The following SLC22A23 variants were observed in gnomAD, a reference collection of about 807,000 sequenced individuals.
SLC22A23 encodes the protein ion transporter protein.
In SLC22A23, 26 loss-of-function variants were observed where a neutral mutation model predicts 61.0. That is an observed-to-expected ratio of 0.43 (90% confidence interval 0.31 to 0.59). The LOEUF is 0.59. Ranked by LOEUF, SLC22A23 falls within the 20% of genes least tolerant of loss-of-function variation. SLC22A23 has a pLI of 0.11. For missense variants in SLC22A23, 796 were observed against 934.7 expected (o/e 0.85, Z 1.94); for synonymous variants, 430 against 413.9 (o/e 1.04, Z -0.47).
At chr6:3,316,688 C>T (rs866358453) in intron 4 of SLC22A23, among the ~76,000 whole-genome samples, 30 of 152,150 alleles carry the variant, frequency 2.0e-4, no homozygotes, top group African/African-American at 7.2e-4. Context: ...CCCAGGCTGC[C>T]GTGAAGTGGT....
intron 3 of SLC22A23, among the ~76,000 whole-genome samples, chr6:3,350,983 T>TA (rs11392398): frequency 0.73 from 109,741 of 149,614 alleles, 40,421 homozygotes; most frequent in East Asian, 0.85. Context: ...ATTTTTTTCT[T>TA]AAAAAAAAAA....
At chr6:3,407,343 T>A (rs1158498064) in intron 3 of SLC22A23, among the ~76,000 whole-genome samples, 1 of 152,236 alleles carries the variant, frequency 6.6e-6, no homozygotes, top group African/African-American at 2.4e-5. Context: ...CTCCGCTTTT[T>A]GACTCAGCTT....
chr6:3,273,298 G>A lies in SLC22A23; in HGVS notation c.1818C>T (p.Cys606=). 6.2e-7 allele frequency: 1 copy of A among 1,614,090 alleles called. No homozygotes were observed. The highest frequency in any genetic ancestry group is 8.5e-7 in the Non-Finnish European group (1 of 1,179,974). Residue 606 remains cysteine, a synonymous_variant, in exon 10 of 10, where the codon TGC becomes TGT. Coordinates refer to ENST00000406686, the MANE Select transcript of SLC22A23 (RefSeq NM_015482.2). ...TGCAGATGATGCAGATGAGCGTGCAGCAGGCAAAGATGATGTGGTGCAGGA... is the reference window on the plus strand; with the variant it reads ...TGCAGATGATGCAGATGAGCGTGCAACAGGCAAAGATGATGTGGTGCAGGA... ...GYFLHHIIFA[C]CTLICIICIL...
chr6:3,437,714 A>C (rs1771315716), intron 1 of SLC22A23, among the ~76,000 whole-genome samples: 1 of 149,716 alleles, frequency 6.7e-6, no homozygotes, highest in East Asian at 2.0e-4. Context: ...AAATAATAAT[A>C]ATTTTAAAAA....
At chr6:3,321,460 G>A (rs919187657) in intron 4 of SLC22A23, among the ~76,000 whole-genome samples, 1 of 152,128 alleles carries the variant, frequency 6.6e-6, no homozygotes, top group Non-Finnish European at 1.5e-5. Context: ...CTTTTCAAAA[G>A]CTGTATAATT....
At chr6:3,402,933 G>A (rs903811821) in intron 3 of SLC22A23, among the ~76,000 whole-genome samples, 5 of 152,182 alleles carry the variant, frequency 3.3e-5, no homozygotes, top group Admixed American at 2.0e-4. Context: ...TTGTGCTTCC[G>A]GGCAGGTCAT....
In SLC22A23 at chr6:3,427,268, T is replaced by C. The variant is rs192419895; in HGVS notation, c.655-11413A>G. On this transcript the variant is annotated intron_variant, in intron 1 of 9. Coordinates refer to ENST00000406686, the MANE Select transcript of SLC22A23 (RefSeq NM_015482.2). The surrounding 1 kb of genome is among the most constrained non-coding windows in gnomAD (Gnocchi z 4.3). ...TGCAGTAACCGGCACAAAGTGATTA[T>C]TACTCATTAATTTTGTCTGTCAGTT... Among the ~76,000 whole-genome samples, 2 of 152,268 alleles carry C rather than the reference T, an allele frequency of 1.3e-5. No homozygotes were observed. The highest frequency in any genetic ancestry group is 3.9e-4 in the East Asian group (2 of 5,176).
At chr6:3,381,862 C>G (rs1189419501) in intron 3 of SLC22A23, among the ~76,000 whole-genome samples, 1 of 152,214 alleles carries the variant, frequency 6.6e-6, no homozygotes, top group Admixed American at 6.5e-5. Flanking sequence ...GCAAGACACA[C>G]CCCTCACAAT....
chr6:3,356,453 A>G (rs1414363071), intron 3 of SLC22A23, among the ~76,000 whole-genome samples: 1 of 152,070 alleles, frequency 6.6e-6, no homozygotes, highest in Non-Finnish European at 1.5e-5. Flanking sequence ...GAGTGATTTT[A>G]GCAGCCTCTC....
chr6:3,274,959 T>TAAAA (rs1758762740), intron 9 of SLC22A23, among the ~76,000 whole-genome samples: 1 of 148,638 alleles, frequency 6.7e-6, no homozygotes, highest in Non-Finnish European at 1.5e-5. Flanking sequence ...CCAGGTGACT[T>TAAAA]TTTTTTTTTT....
intron 3 of SLC22A23, among the ~76,000 whole-genome samples, chr6:3,365,993 C>T (rs1765784644): frequency 6.6e-6 from 1 of 152,070 alleles, no homozygotes; most frequent in Non-Finnish European, 1.5e-5. Flanking sequence ...CATCATGCAC[C>T]AGCAGAAGAC....
chr6:3,433,685 C>T (rs565788909), intron 1 of SLC22A23, among the ~76,000 whole-genome samples: 29 of 152,298 alleles, frequency 1.9e-4, no homozygotes, highest in Non-Finnish European at 3.4e-4. Flanking sequence ...GAGAGAAACA[C>T]AGTGTTGTCT....
At position 3,298,217 on chromosome 6, in the gene SLC22A23, T is replaced by G. The variant is rs1428195383; in HGVS notation, c.1084A>C (p.Ile362Leu). ...PFLLMLLYWSIFPESLRWLMA... is the reference protein window; with the variant it reads ...PFLLMLLYWSLFPESLRWLMA... ...AGCCACCGGAGGGACTCGGGGAATA[T>G]CCTTTAAAGACACAAAGGGGATCAG... The change falls in exon 5 of 10, where the codon ATA (isoleucine) becomes CTA (leucine). Residue 362 changes from isoleucine to leucine, a missense_variant and splice_region_variant. Physicochemically the swap from Ile to Leu is conservative, Grantham distance 5. Coordinates refer to ENST00000406686, the MANE Select transcript of SLC22A23 (RefSeq NM_015482.2). 2 of 1,595,102 alleles carry G rather than the reference T, an allele frequency of 1.3e-6. No homozygotes were observed. The highest frequency in any genetic ancestry group is 8.5e-7 in the Non-Finnish European group (1 of 1,172,892).
chr6:3,349,142 T>C (rs1291352372), intron 3 of SLC22A23, among the ~76,000 whole-genome samples: 2 of 152,234 alleles, frequency 1.3e-5, no homozygotes, highest in African/African-American at 4.8e-5. Context: ...TGCTTCCCAC[T>C]GGGGCCAACT....
chr6:3,456,043 T>A lies in SLC22A23; in HGVS notation c.517A>T (p.Asn173Tyr). The A allele has an allele frequency of 6.5e-7, 1 of 1,548,308 alleles. No homozygotes were observed. Among genetic ancestry groups the A allele is most frequent in the Non-Finnish European group, 8.7e-7 (1 of 1,146,760 alleles). ...TCGCCTCCGTCCGCGCCGCTGCTGT[T>A]GCTCCGGTTGCCCGCAGCCTCCCAG... Reference protein sequence around the residue: ...APWEAAGNRSNSSGADGGDTP... With the variant: ...APWEAAGNRSYSSGADGGDTP... The change falls in exon 1 of 10, where the codon AAC becomes TAC. Residue 173 changes from asparagine (N) to tyrosine (Y), a missense_variant. By Grantham distance (143) the Asn-to-Tyr change is moderately radical (BLOSUM62 -2). Transcript: ENST00000406686. The surrounding 1 kb of genome is among the most constrained non-coding windows in gnomAD (Gnocchi z 7.1).
chr6:3,393,352 C>T (rs1322512785), intron 3 of SLC22A23, among the ~76,000 whole-genome samples: 1 of 152,164 alleles, frequency 6.6e-6, no homozygotes, highest in Non-Finnish European at 1.5e-5. Context: ...AATATAATAG[C>T]CACGAGCCAT....
At chr6:3,371,631 G>A (rs552397920) in intron 3 of SLC22A23, among the ~76,000 whole-genome samples, 1 of 152,056 alleles carries the variant, frequency 6.6e-6, no homozygotes, top group South Asian at 2.1e-4. Flanking sequence ...TGTAAAATGG[G>A]GATAAAAATC....
In SLC22A23 at chr6:3,279,509, C is replaced by CAAAAAAAAAAAAAAAAAAAAAAAA. The variant is rs10642564; in HGVS notation, c.1703+4319_1703+4342dup. Among the ~76,000 whole-genome samples the CAAAAAAAAAAAAAAAAAAAAAAAA allele has an allele frequency of 4.2e-4, 15 of 36,014 alleles. 5 individuals carry two copies. Among genetic ancestry groups the CAAAAAAAAAAAAAAAAAAAAAAAA allele is most frequent in the Non-Finnish European group, 6.3e-4 (11 of 17,518 alleles). The allele number at this position is 36,014 out of a possible 152,430, so 23.6% of individuals were successfully genotyped here. On this transcript the variant is annotated intron_variant, in intron 9 of 9. Transcript: ENST00000406686. Reference sequence around the variant, plus strand: ...CTGGCAACAGAGCAAGGCTCCGTCTCAAAAAAAAAAAAAAAAAAAAAAAAA... The same window carrying CAAAAAAAAAAAAAAAAAAAAAAAA: ...CTGGCAACAGAGCAAGGCTCCGTCTCAAAAAAAAAAAAAAAAAAAAAAAAAAAAAAAAAAAAAAAAAAAAAAAAA...
intron 1 of SLC22A23, chr6:3,438,608 G>C (rs1771381557): frequency 6.9e-6 from 3 of 433,972 alleles, no homozygotes; most frequent in East Asian, 7.0e-5. Context: ...GTTTGAATTA[G>C]AGACATTTTG....
Sources: allele counts gnomAD v4.1 joint callset (sites outside exome capture counted in the v4.1 genomes callset), GRCh38; gene constraint gnomAD v4.1.1; non-coding constraint Gnocchi (gnomAD v3.1); transcripts MANE v1.5; gene names NCBI Gene and HGNC (gene_info 2026-07-23, HGNC 2026-07-21).